Variants in TRAPPC9 observed in about 807,000 individuals in gnomAD.
TRAPPC9 encodes the protein trafficking protein particle complex subunit 9.
Under a neutral mutation model 124.0 loss-of-function variants are expected in TRAPPC9, and 83 were observed. The observed-to-expected ratio is 0.67, with a 90% CI of 0.56 to 0.80. The LOEUF is 0.80. Among genes scored for constraint, TRAPPC9 ranks in the 30% least tolerant of loss-of-function variants. TRAPPC9 has a pLI of 0.00. For missense variants in TRAPPC9, 1,302 were observed against 1,508.3 expected (o/e 0.86, Z 2.27); for synonymous variants, 638 against 617.5 (o/e 1.03, Z -0.49).
chr8:139,860,033 G>C (rs1828029738), intron 21 of TRAPPC9, among the ~76,000 whole-genome samples: 2 of 152,236 alleles, frequency 1.3e-5, no homozygotes. Context: ...TCAAACACTT[G>C]CTCACTGCAA....
chr8:140,156,650 G>C (rs78438581), intron 17 of TRAPPC9, among the ~76,000 whole-genome samples: 2,122 of 152,268 alleles, frequency 0.014, 63 homozygotes, highest in African/African-American at 0.047. Flanking sequence ...CTTCCTCCAT[G>C]ACCTCTGCAG....
At chr8:140,017,872 C>G (rs1370181443) in intron 18 of TRAPPC9, among the ~76,000 whole-genome samples, 1 of 152,052 alleles carries the variant, frequency 6.6e-6, no homozygotes, top group African/African-American at 2.4e-5. Flanking sequence ...GATACAGAGT[C>G]TCGTTCTGTT....
At chr8:139,887,077 G>A (rs1830060232) in intron 20 of TRAPPC9, among the ~76,000 whole-genome samples, 2 of 152,128 alleles carry the variant, frequency 1.3e-5, no homozygotes, top group Non-Finnish European at 2.9e-5. Context: ...TAGCCACAGA[G>A]GGCTGTCCAG....
At chr8:140,035,190 A>G (rs1840799026) in intron 17 of TRAPPC9, among the ~76,000 whole-genome samples, 2 of 152,248 alleles carry the variant, frequency 1.3e-5, no homozygotes, top group African/African-American at 2.4e-5. Flanking sequence ...GTTATAAGCC[A>G]TAAGCAATTA....
chr8:140,035,353 T>A (rs1840808656), intron 17 of TRAPPC9, among the ~76,000 whole-genome samples: 1 of 152,174 alleles, frequency 6.6e-6, no homozygotes, highest in Non-Finnish European at 1.5e-5. Flanking sequence ...GAATGCTATA[T>A]CCTTCCAAAG....
chr8:140,111,384 G>A (rs571977791), intron 17 of TRAPPC9, among the ~76,000 whole-genome samples: 39 of 152,272 alleles, frequency 2.6e-4, no homozygotes, highest in African/African-American at 9.1e-4. Context: ...TTGGCCGCCA[G>A]CTCCATGAGC....
At chr8:139,948,652 C>T (rs997367770) in intron 19 of TRAPPC9, among the ~76,000 whole-genome samples, 6 of 152,174 alleles carry the variant, frequency 3.9e-5, no homozygotes, top group Non-Finnish European at 8.8e-5. Context: ...TCAAGGTTTC[C>T]AATTACGGCA....
intron 21 of TRAPPC9, among the ~76,000 whole-genome samples, chr8:139,863,018 A>G (rs939936581): frequency 5.9e-5 from 9 of 152,180 alleles, no homozygotes; most frequent in African/African-American, 2.2e-4. Flanking sequence ...ACCTACACAG[A>G]GGGGAGGGCT....
At chr8:140,452,693 C>G (rs1345868323) in intron 1 of TRAPPC9, among the ~76,000 whole-genome samples, 1 of 152,122 alleles carries the variant, frequency 6.6e-6, no homozygotes, top group Non-Finnish European at 1.5e-5. Flanking sequence ...GAATCTGGCT[C>G]ATAGGAGATC....
intron 19 of TRAPPC9, among the ~76,000 whole-genome samples, chr8:139,957,352 C>T (rs955906632): frequency 2.6e-5 from 4 of 152,340 alleles, no homozygotes; most frequent in South Asian, 2.1e-4. Context: ...AGGGGAACAG[C>T]AGGCAACCTG....
intron 18 of TRAPPC9, among the ~76,000 whole-genome samples, chr8:140,021,199 C>T (rs1310660105): frequency 6.6e-6 from 1 of 152,124 alleles, no homozygotes; most frequent in Non-Finnish European, 1.5e-5. Flanking sequence ...TTCTTGATAC[C>T]TCTTCCCCTT....
chr8:139,736,114 G>A (rs1484928975), intron 21 of TRAPPC9, among the ~76,000 whole-genome samples: 1 of 152,220 alleles, frequency 6.6e-6, no homozygotes, highest in Non-Finnish European at 1.5e-5. Context: ...GGGCAGGGGT[G>A]AAGAGCAGAG....
In TRAPPC9 at chr8:140,366,726, C is replaced by A. The variant is rs150353778; in HGVS notation, c.1351+4238G>T. On this transcript the variant is annotated intron_variant, in intron 8 of 22. Transcript: ENST00000438773. ...ACCCATCAAAGAAAGAATTGATAAG[C>A]TAGACTTCGTTAAAATTTAAAACTT... 1.6e-4 allele frequency among the ~76,000 whole-genome samples: 25 copies of A among 152,228 alleles called. No homozygotes were observed. In the East Asian group the frequency reaches 4.8e-3, roughly 29 times the overall value.
intron 19 of TRAPPC9, among the ~76,000 whole-genome samples, chr8:139,968,537 G>A (rs1423440911): frequency 1.3e-5 from 2 of 152,200 alleles, no homozygotes; most frequent in Admixed American, 6.5e-5. Flanking sequence ...GCAGGGATAC[G>A]TGCATTCACA....
chr8:139,979,447 C>T (rs1171466766), intron 19 of TRAPPC9, among the ~76,000 whole-genome samples: 1 of 152,172 alleles, frequency 6.6e-6, no homozygotes, highest in African/African-American at 2.4e-5. Context: ...GTGCTGCTCG[C>T]AGACAGCTGC....
At position 140,371,013 on chromosome 8, in the gene TRAPPC9, T is replaced by C; in HGVS notation, c.1302A>G (p.Glu434=). ...GWRACYKLLL[E]TLPGYSLSLD... is the part of the protein sequence containing the mutation. ...GCGACAGACTGTAGCCGGGCAGCGT[T>C]TCCAGGAGGAGTTTGTAGCAGGCCC... The change falls in exon 8 of 23, where the codon GAA becomes GAG. Residue 434 remains glutamate (E), a synonymous_variant. Coordinates refer to ENST00000438773, the MANE Select transcript of TRAPPC9 (RefSeq NM_001160372.4). The C allele has an allele frequency of 6.2e-7, 1 of 1,614,262 alleles. No homozygotes were observed. The highest frequency in any genetic ancestry group is 8.5e-7 in the Non-Finnish European group (1 of 1,180,048).
intron 17 of TRAPPC9, among the ~76,000 whole-genome samples, chr8:140,074,566 T>G (rs933822642): frequency 6.6e-6 from 1 of 152,136 alleles, no homozygotes; most frequent in African/African-American, 2.4e-5. Flanking sequence ...CTGATGTCGC[T>G]GCACTTAACA....
At chr8:139,971,722 T>TACACAC (rs577564731) in intron 19 of TRAPPC9, among the ~76,000 whole-genome samples, 2 of 115,964 alleles carry the variant, frequency 1.7e-5, no homozygotes, top group African/African-American at 5.6e-5. Flanking sequence ...TATATATATA[T>TACACAC]ACACACACAC....
chr8:140,089,154 C>G (rs192175455), intron 17 of TRAPPC9, among the ~76,000 whole-genome samples: 208 of 152,352 alleles, frequency 1.4e-3, no homozygotes, highest in African/African-American at 4.7e-3. Context: ...GTACAAGTTT[C>G]TCCTCGAAGC....
Sources: allele counts gnomAD v4.1 joint callset (sites outside exome capture counted in the v4.1 genomes callset), GRCh38; gene constraint gnomAD v4.1.1; transcripts MANE v1.5; gene names NCBI Gene and HGNC (gene_info 2026-07-23, HGNC 2026-07-21).